Variants in PALB2 observed in about 807,000 individuals in gnomAD.
The protein encoded by PALB2 is mutant partner and localizer of BRCA2.
In PALB2, 82 loss-of-function variants were observed where a neutral mutation model predicts 107.4. The observed-to-expected ratio is 0.76, with a 90% CI of 0.64 to 0.92. The LOEUF (loss-of-function observed/expected upper bound fraction) is 0.92, where lower values mean the gene tolerates loss of function less well. PALB2 is among the 40% of genes least tolerant of loss of function. PALB2 has a pLI of 0.00. For missense variants in PALB2, 1,374 were observed against 1,379.9 expected (o/e 1.00, Z 0.07); for synonymous variants, 489 against 496.8 (o/e 0.98, Z 0.21).
In PALB2 at chr16:23,630,269, A is replaced by G. The variant is rs1567218578; in HGVS notation, c.1885T>C (p.Ser629Pro). The part of the protein sequence containing the change: ...FGPLKLEKVK[S>P]CSEKPVEPFE... ...GGCTCCACTGGTTTTTCTGAGCAGG[A>G]CTTCACTTTTTCAAGCTTAAGAGGT... Residue 629 changes from serine to proline, a missense_variant, in exon 5 of 13, where the codon TCC becomes CCC. By Grantham distance (74) the Ser-to-Pro change is moderately conservative (BLOSUM62 -1). Transcript: ENST00000261584. The G allele has an allele frequency of 6.2e-7, 1 of 1,613,922 alleles. No individual in the cohort carries two copies. Among genetic ancestry groups the G allele is most frequent in the African/African-American group, 1.3e-5 (1 of 74,898 alleles).
intron 10 of PALB2, among the ~76,000 whole-genome samples, chr16:23,614,449 G>A (rs1259736061): frequency 6.6e-6 from 1 of 152,066 alleles, no homozygotes; most frequent in Non-Finnish European, 1.5e-5. Flanking sequence ...TTCCATGGAA[G>A]ACAACGGCCA....
rs1064794902 is a variant in PALB2, at chr16:23,629,640, C to T, written c.2514G>A (p.Gln838=). The T allele has an allele frequency of 6.2e-7, 1 of 1,613,620 alleles. No individual in the cohort carries two copies. Among genetic ancestry groups the T allele is most frequent in the Non-Finnish European group, 8.5e-7 (1 of 1,179,712 alleles). ...ATTTCACAGAGGAAATGGATTGTAC[C>T]TGTTCGACGGAATGTTTATGCAGCT... ...CQELHKHSVE[Q]TETAELPASD... is the part of the protein sequence containing the mutation. Residue 838 remains glutamine, a splice_region_variant and synonymous_variant, in exon 5 of 13, where the codon CAG becomes CAA. Transcript: ENST00000261584.
chr16:23,614,645 CTTTTTTTTTTTT>C (rs1050495053), intron 10 of PALB2, among the ~76,000 whole-genome samples: 4 of 107,150 alleles, frequency 3.7e-5, no homozygotes, highest in African/African-American at 1.5e-4. Context: ...CACTTCCCAG[CTTTTTTTTTTTT>C]TTTTTTTTTT....
rs8053188 is a variant in PALB2 at position 23,641,204 on chromosome 16, C to T, written c.-47G>A. 45,463 of 1,599,550 alleles carry T rather than the reference C, an allele frequency of 0.028. 1,165 individuals are homozygous for T. The highest frequency in any genetic ancestry group is 0.098 in the African/African-American group (7,305 of 74,792). On this transcript the variant is annotated 5_prime_UTR_variant, in exon 1 of 13. Coordinates refer to ENST00000261584, the MANE Select transcript of PALB2 (RefSeq NM_024675.4). ...AGAGCAGCCGTCGCCGACCCCAGGC[C>T]TGCCGACACCGGGACCCAGTTGGCC...
At chr16:23,617,648 G>A (rs1966707964) in intron 10 of PALB2, 1 of 152,162 alleles carries the variant, frequency 6.6e-6, no homozygotes, top group African/African-American at 2.4e-5. Flanking sequence ...GGAGGCTGAG[G>A]TGGGAGGACT....
Position 23,636,256 on chromosome 16 carries a change from G to T in PALB2, c.290C>A (p.Ser97Tyr), listed in dbSNP as rs776902295. Residue 97 changes from serine (S) to tyrosine (Y), a missense_variant, in exon 4 of 13, where the codon TCT becomes TAT. Transcript: ENST00000261584. ...HLDEETGEKT[S>Y]ITLDVGPESF... ...CTCAGGCCCAACATCAAGTGTGATAGATGTCTTTTCTCCAGTTTCTTCATC... is the reference window on the plus strand; with the variant it reads ...CTCAGGCCCAACATCAAGTGTGATATATGTCTTTTCTCCAGTTTCTTCATC... The T allele has an allele frequency of 6.2e-7, 1 of 1,613,880 alleles. No homozygotes were observed. Among genetic ancestry groups the T allele is most frequent in the East Asian group, 2.2e-5 (1 of 44,884 alleles).
chr16:23,618,297 G>C (rs1287355820), intron 10 of PALB2, among the ~76,000 whole-genome samples: 1 of 152,012 alleles, frequency 6.6e-6, no homozygotes, highest in African/African-American at 2.4e-5. Context: ...TGGGTACTGA[G>C]TGAGACTCTG....
intron 7 of PALB2, 43 bp from the exon 8 acceptor site, chr16:23,624,137 AT>A (rs1567214548): frequency 7.0e-7 from 1 of 1,426,040 alleles, no homozygotes; most frequent in Non-Finnish European, 9.9e-7. Flanking sequence ...TGGTTGTTTC[AT>A]TTTTGTTTAA....
chr16:23,626,286 C>T lies in PALB2; in HGVS notation c.2698G>A (p.Ala900Thr), dbSNP rs1555459946. The T allele has an allele frequency of 6.2e-7, 1 of 1,614,188 alleles. No individual in the cohort carries two copies. Among genetic ancestry groups the T allele is most frequent in the Middle Eastern group, 1.6e-4 (1 of 6,062 alleles). The change falls in exon 7 of 13, where the codon GCT becomes ACT. Residue 900 changes from alanine to threonine, a missense_variant. Coordinates refer to ENST00000261584, the MANE Select transcript of PALB2 (RefSeq NM_024675.4). ...ACEDVVSLWK[A>T]LDAWQWEKLY... The stretch of plus-strand genomic sequence containing the variant: ...TTTTCCCACTGCCAAGCATCCAGAG[C>T]TTTCCAAAGAGAAACTACATCTTCG...
rs515726126 is a variant in PALB2, at chr16:23,635,787, T to TA, written c.758dup (p.Ser254IlefsTer3). ...GGTGCTGACTACTACCGCTATCTGATAGAGTCTGTAAAGGAACTGTAGTCG... is the reference window on the plus strand; with the variant it reads ...GGTGCTGACTACTACCGCTATCTGATAAGAGTCTGTAAAGGAACTGTAGTCG... On this transcript the variant is annotated frameshift_variant, in exon 4 of 13. Coordinates refer to ENST00000261584, the MANE Select transcript of PALB2 (RefSeq NM_024675.4). LOFTEE classifies it high-confidence loss of function. 20 of 1,614,062 alleles carry TA rather than the reference T, an allele frequency of 1.2e-5. No homozygotes were observed. Among genetic ancestry groups the TA allele is most frequent in the Non-Finnish European group, 1.7e-5 (20 of 1,180,012 alleles).
intron 11 of PALB2, among the ~76,000 whole-genome samples, chr16:23,611,078 GTCTA>G (rs201931763): frequency 0.21 from 30,775 of 148,078 alleles, 3,542 homozygotes; most frequent in East Asian, 0.24. Flanking sequence ...TCAACTGTCA[GTCTA>G]TCTATCTATC....
chr16:23,606,390 G>C (rs1443633423), intron 12 of PALB2, among the ~76,000 whole-genome samples: 1 of 151,964 alleles, frequency 6.6e-6, no homozygotes, highest in East Asian at 1.9e-4. Context: ...GGGCAACAAA[G>C]CAAGACCCTG....
intron 8 of PALB2, chr16:23,623,807 C>G: frequency 1.8e-6 from 1 of 566,482 alleles, no homozygotes; most frequent in East Asian, 3.1e-5. Context: ...GCGTGAGCCA[C>G]TGCGCCCAGC....
At chr16:23,604,546 C>A (rs1320255988) in intron 12 of PALB2, among the ~76,000 whole-genome samples, 1 of 152,138 alleles carries the variant, frequency 6.6e-6, no homozygotes, top group African/African-American at 2.4e-5. Flanking sequence ...GCGGGTGGAT[C>A]ACCTGAGGTT....
chr16:23,621,121 A>G (rs978655736), intron 10 of PALB2, among the ~76,000 whole-genome samples: 8 of 152,204 alleles, frequency 5.3e-5, no homozygotes, highest in African/African-American at 1.7e-4. Flanking sequence ...GAGGCAGGAG[A>G]ATCACTTGAA....
At chr16:23,613,512 C>T (rs552249558) in intron 11 of PALB2, among the ~76,000 whole-genome samples, 32 of 152,076 alleles carry the variant, frequency 2.1e-4, no homozygotes, top group South Asian at 6.2e-4. Flanking sequence ...GGTGTGGTGG[C>T]GGGCACCTGT....
chr16:23,610,450 A>G (rs1966564748), intron 11 of PALB2, among the ~76,000 whole-genome samples: 1 of 151,662 alleles, frequency 6.6e-6, no homozygotes, highest in African/African-American at 2.4e-5. Context: ...CTGGGACTAC[A>G]GGTGCGCACC....
At chr16:23,617,993 CAAAGAA>C (rs977163481) in intron 10 of PALB2, among the ~76,000 whole-genome samples, 16 of 151,962 alleles carry the variant, frequency 1.1e-4, no homozygotes, top group Admixed American at 3.3e-4. Flanking sequence ...CCTGCCTCTA[CAAAGAA>C]AAAGAAAAAG....
intron 12 of PALB2, among the ~76,000 whole-genome samples, chr16:23,607,633 A>G (rs1721425650): frequency 6.6e-6 from 1 of 152,078 alleles, no homozygotes; most frequent in Non-Finnish European, 1.5e-5. Flanking sequence ...GGGCTTGAAT[A>G]AACACTATTA....
Sources: allele counts gnomAD v4.1 joint callset (sites outside exome capture counted in the v4.1 genomes callset), GRCh38; gene constraint gnomAD v4.1.1; transcripts MANE v1.5; gene names NCBI Gene and HGNC (gene_info 2026-07-23, HGNC 2026-07-21).